Variants in PRSS3 observed in about 807,000 individuals in gnomAD.
PRSS3 encodes the protein serine protease 3.
In PRSS3, 14 loss-of-function variants were observed where a neutral mutation model predicts 20.8. That is an observed-to-expected ratio of 0.67 (90% CI 0.44 to 1.05). PRSS3 has a LOEUF of 1.05. Among genes scored for constraint, PRSS3 ranks in the 50% least tolerant of loss-of-function variants. PRSS3 has a pLI of 0.00. For synonymous variants in PRSS3, 91 were observed against 117.6 expected, an observed-to-expected ratio of 0.77 and a Z score of 1.46; for missense variants, 237 against 306.4, an observed-to-expected ratio of 0.77 and a Z score of 1.69.
At chr9:33,791,762 A>G (rs1824640192), upstream of PRSS3, among the ~76,000 whole-genome samples, 1 of 152,220 alleles carries the variant, frequency 6.6e-6, no homozygotes, top group South Asian at 2.1e-4. Context: ...ACAGCAATCA[A>G]TCTATCCTTA....
intron 1 of PRSS3, among the ~76,000 whole-genome samples, chr9:33,751,917 G>A (rs189041023): frequency 1.3e-5 from 2 of 152,266 alleles, no homozygotes; most frequent in African/African-American, 4.8e-5. Flanking sequence ...GGCTCGCTCT[G>A]TTCCTGGGGT....
At chr9:33,784,685 T>C (rs1824314439) in intron 1 of PRSS3, among the ~76,000 whole-genome samples, 1 of 152,212 alleles carries the variant, frequency 6.6e-6, no homozygotes, top group African/African-American at 2.4e-5. Context: ...ATAGAGAGAA[T>C]CTCAGAATCA....
chr9:33,768,660 C>A (rs1402704444), intron 1 of PRSS3, among the ~76,000 whole-genome samples: 2 of 151,858 alleles, frequency 1.3e-5, no homozygotes, highest in African/African-American at 4.8e-5. Flanking sequence ...AGTTTGAGAC[C>A]AGCCTGGCCA....
chr9:33,753,325 G>C (rs2118706102), intron 1 of PRSS3, among the ~76,000 whole-genome samples: 1 of 152,130 alleles, frequency 6.6e-6, no homozygotes, highest in Non-Finnish European at 1.5e-5. Context: ...AGATTGTCAA[G>C]TCCAATCTTG....
intron 1 of PRSS3, among the ~76,000 whole-genome samples, chr9:33,769,237 T>C (rs540526797): frequency 7.4e-4 from 112 of 152,238 alleles, no homozygotes; most frequent in South Asian, 2.9e-3. Context: ...AACCAAAACT[T>C]TTGGAAAACT....
intron 1 of PRSS3, among the ~76,000 whole-genome samples, chr9:33,770,848 G>A (rs868532429): frequency 1.1e-4 from 16 of 152,162 alleles, no homozygotes; most frequent in African/African-American, 3.6e-4. Context: ...CCCACACAAC[G>A]AAGTACCATT....
intron 1 of PRSS3, among the ~76,000 whole-genome samples, chr9:33,751,942 A>G (rs1822719363): frequency 6.6e-6 from 1 of 152,190 alleles, no homozygotes; most frequent in Admixed American, 6.5e-5. Flanking sequence ...GGGAAAAGAT[A>G]TGGAACTGAA....
At chr9:33,760,253 T>C (rs902939358) in intron 1 of PRSS3, among the ~76,000 whole-genome samples, 5 of 151,918 alleles carry the variant, frequency 3.3e-5, no homozygotes, top group Non-Finnish European at 5.9e-5. Context: ...TTCACTCTAA[T>C]GTATGCTGAG....
intron 1 of PRSS3, among the ~76,000 whole-genome samples, chr9:33,761,527 A>T (rs1417314035): frequency 9.2e-5 from 14 of 151,972 alleles, no homozygotes; most frequent in African/African-American, 3.4e-4. Flanking sequence ...ACCAACATGG[A>T]GAAACCCTGC....
At chr9:33,794,424 A>G (rs1824800107), upstream of PRSS3, among the ~76,000 whole-genome samples, 3 of 152,182 alleles carry the variant, frequency 2.0e-5, no homozygotes, top group South Asian at 2.1e-4. Flanking sequence ...GCCTCAGTCA[A>G]TTACACAACT....
upstream of PRSS3, chr9:33,793,560 A>T: frequency 3.1e-5 from 16 of 518,690 alleles, no homozygotes; most frequent in Non-Finnish European, 4.0e-5. Context: ...AGATGAATTC[A>T]ATCATCTATT....
chr9:33,794,479 G>A (rs373621771), upstream of PRSS3, among the ~76,000 whole-genome samples: 1 of 152,100 alleles, frequency 6.6e-6, no homozygotes, highest in South Asian at 2.1e-4. Context: ...ATATTCTCTG[G>A]GAAGATTCAC....
At chr9:33,760,542 C>T (rs572638533) in intron 1 of PRSS3, among the ~76,000 whole-genome samples, 8 of 151,916 alleles carry the variant, frequency 5.3e-5, no homozygotes, top group African/African-American at 1.9e-4. Context: ...GTCAGGAGAT[C>T]GAGACCATCC....
chr9:33,771,078 A>G (rs1823668417), intron 1 of PRSS3, among the ~76,000 whole-genome samples: 1 of 152,210 alleles, frequency 6.6e-6, no homozygotes, highest in South Asian at 2.1e-4. Context: ...CCTGTGGCCC[A>G]GAGTATCAGC....
At chr9:33,777,189 A>T (rs1177440131) in intron 1 of PRSS3, among the ~76,000 whole-genome samples, 14 of 152,238 alleles carry the variant, frequency 9.2e-5, no homozygotes, top group Non-Finnish European at 1.6e-4. Context: ...AATTTGATAT[A>T]AAATATTCAG....
upstream of PRSS3, among the ~76,000 whole-genome samples, chr9:33,791,099 G>A (rs1428574556): frequency 1.3e-5 from 2 of 152,212 alleles, no homozygotes; most frequent in Non-Finnish European, 2.9e-5. Flanking sequence ...ATAACTTCCA[G>A]TGTTTTACAG....
At chr9:33,779,867 T>TAAAAAA (rs35501160) in intron 1 of PRSS3, among the ~76,000 whole-genome samples, 2 of 31,854 alleles carry the variant, frequency 6.3e-5, no homozygotes, top group Non-Finnish European at 9.8e-5. Context: ...AGACTCTGTC[T>TAAAAAA]AAAAAAAAAA....
At chr9:33,764,448 G>A (rs1195045410) in intron 1 of PRSS3, among the ~76,000 whole-genome samples, 2 of 152,132 alleles carry the variant, frequency 1.3e-5, no homozygotes, top group African/African-American at 4.8e-5. Flanking sequence ...CGGGAGAATC[G>A]CTTGAATGTA....
chr9:33,795,728 A>G, intron 1 of PRSS3, 115 bp downstream of exon 1: 2 of 1,288,230 alleles, frequency 1.6e-6, no homozygotes, highest in Non-Finnish European at 1.1e-6. Context: ...TATTTCCTCC[A>G]TCTGACATAT....
Sources: gnomAD v4.1 joint callset for allele counts (sites outside exome capture counted in the v4.1 genomes callset) on GRCh38, gnomAD v4.1.1 for gene constraint, MANE v1.5 for transcripts, NCBI Gene and HGNC (gene_info 2026-07-23, HGNC 2026-07-21) for gene names.